PIEZO2: variants seen among roughly 807,000 people sequenced by gnomAD.
PIEZO2 encodes piezo-type mechanosensitive ion channel component 2.
In PIEZO2, 172 loss-of-function variants were observed where a neutral mutation model predicts 337.3. That is an observed-to-expected ratio of 0.51 (90% CI 0.45 to 0.58). PIEZO2 has a LOEUF of 0.58. Ranked by LOEUF, PIEZO2 falls within the 20% of genes least tolerant of loss-of-function variation. The pLI is 0.00. For synonymous variants in PIEZO2, 1,251 were observed against 1,228.5 expected (o/e 1.02, Z -0.38); for missense variants, 3,028 against 3,391.3 (o/e 0.89, Z 2.66).
In PIEZO2 at chr18:10,750,779, C is replaced by T. The variant is rs933383430; in HGVS notation, c.4168-592G>A. ...GGAAAATGTTTAAACAAGTATGAAT[C>T]ATTGCAAGCAAATACATAAATGTGA... On this transcript the variant is annotated intron_variant, in intron 28 of 55. Transcript: ENST00000674853. This position sits in a 1 kb window ranked among gnomAD's most constrained non-coding sequence, Gnocchi z 4.1. Among the ~76,000 whole-genome samples the T allele has an allele frequency of 5.3e-5, 8 of 152,194 alleles. No individual in the cohort carries two copies. The highest frequency in any genetic ancestry group is 1.7e-4 in the African/African-American group (7 of 41,458).
chr18:10,686,732 G>T lies in PIEZO2; in HGVS notation c.7497+2923C>A, dbSNP rs1179229657. Among the ~76,000 whole-genome samples the T allele has an allele frequency of 3.3e-5, 5 of 152,200 alleles. No individual in the cohort carries two copies. In the East Asian group the frequency reaches 9.6e-4, roughly 29 times the overall value. ...GTCTAGACTTGAGGGGTTAGGGCAG[G>T]TCCATGGAAACAGAGGTGTCTTCAT... On this transcript the variant is annotated intron_variant, in intron 49 of 55. Transcript: ENST00000674853.
intron 2 of PIEZO2, among the ~76,000 whole-genome samples, chr18:11,022,835 G>A (rs990623662): frequency 2.6e-5 from 4 of 152,188 alleles, no homozygotes; most frequent in Non-Finnish European, 5.9e-5. Context: ...GGACCCTCGA[G>A]GTGAGTGTTA....
intron 3 of PIEZO2, among the ~76,000 whole-genome samples, chr18:10,938,979 C>T (rs1431979817): frequency 2.6e-5 from 4 of 151,558 alleles, no homozygotes; most frequent in Non-Finnish European, 5.9e-5. Context: ...CCCAGCTACT[C>T]GGGAGGCTGA....
chr18:10,866,563 G>A (rs2042013221), intron 5 of PIEZO2, among the ~76,000 whole-genome samples: 1 of 152,162 alleles, frequency 6.6e-6, no homozygotes, highest in South Asian at 2.1e-4. Flanking sequence ...GGGATTTTAG[G>A]TGTGGGCCAC....
In PIEZO2 at chr18:10,819,722, AC is replaced by A. The variant is rs1421388647; in HGVS notation, c.918-12449del. 6.6e-6 allele frequency among the ~76,000 whole-genome samples: 1 copy of A among 152,224 alleles called. No individual in the cohort carries two copies. Among genetic ancestry groups the A allele is most frequent in the Non-Finnish European group, 1.5e-5 (1 of 68,034 alleles). ...TCTTACATGAAGACATAATATCTTC[AC>A]AAAACTTCATACAGAGATAGAAAAA... On this transcript the variant is annotated intron_variant, in intron 7 of 55. Transcript: ENST00000674853. The surrounding 1 kb of genome is among the most constrained non-coding windows in gnomAD (Gnocchi z 4.3).
In PIEZO2 at chr18:11,035,434, G is replaced by A. The variant is rs550120230; in HGVS notation, c.160+30693C>T. On this transcript the variant is annotated intron_variant, in intron 2 of 55. Transcript: ENST00000674853. The surrounding 1 kb of genome is among the most constrained non-coding windows in gnomAD (Gnocchi z 4.3). Reference sequence around the variant, plus strand: ...TTCCTGAGGTCTTGACCAGAAGAACGCCAGTGCCGTGCTTGCACAGCCTGC... The same window carrying A: ...TTCCTGAGGTCTTGACCAGAAGAACACCAGTGCCGTGCTTGCACAGCCTGC... Among the ~76,000 whole-genome samples, 9 of 152,004 alleles carry A rather than the reference G, an allele frequency of 5.9e-5. No individual in the cohort carries two copies. The highest frequency in any genetic ancestry group is 1.2e-4 in the Non-Finnish European group (8 of 67,996).
chr18:10,901,199 T>G (rs1237284707), intron 4 of PIEZO2, among the ~76,000 whole-genome samples: 1 of 152,172 alleles, frequency 6.6e-6, no homozygotes, highest in Non-Finnish European at 1.5e-5. Flanking sequence ...TTTGCCTCAT[T>G]GTATCAAAGC....
chr18:10,995,415 G>A (rs909300010), intron 2 of PIEZO2, among the ~76,000 whole-genome samples: 5 of 151,112 alleles, frequency 3.3e-5, no homozygotes, highest in Admixed American at 6.6e-5. Flanking sequence ...CTCCTACTCT[G>A]GGGGTTGTCT....
chr18:10,756,144 G>T (rs1214199931), intron 27 of PIEZO2, among the ~76,000 whole-genome samples: 3 of 150,062 alleles, frequency 2.0e-5, no homozygotes, highest in Non-Finnish European at 4.4e-5. Flanking sequence ...AGGAGGGATG[G>T]AGGATGAGAA....
intron 1 of PIEZO2, among the ~76,000 whole-genome samples, chr18:11,090,279 G>C (rs76965230): frequency 0.078 from 11,937 of 152,200 alleles, 502 homozygotes; most frequent in Middle Eastern, 0.2. Flanking sequence ...AAATAAAAGA[G>C]AGAGAGAGAA....
Position 10,791,256 on chromosome 18 carries a change from T to G in PIEZO2, c.1827A>C (p.Glu609Asp). The G allele has an allele frequency of 6.5e-7, 1 of 1,536,492 alleles. No homozygotes were observed. Among genetic ancestry groups the G allele is most frequent in the Non-Finnish European group, 8.7e-7 (1 of 1,146,468 alleles). ...TGACTTCCGATAAAAGAGCTTCCTT[T>G]TCTTGCAGAGCTTTTTGCTCTGTGA... Reference protein sequence around the residue: ...QHLTEQKALQEKEALLSEVKI... With the variant: ...QHLTEQKALQDKEALLSEVKI... The change falls in exon 14 of 56, where the codon GAA becomes GAC. Residue 609 changes from glutamate (E) to aspartate (D), a missense_variant. Physicochemically the swap from Glu to Asp is conservative, Grantham distance 45. Coordinates refer to ENST00000674853, the MANE Select transcript of PIEZO2 (RefSeq NM_001378183.1).
chr18:10,791,884 C>A (rs1404730820), intron 13 of PIEZO2, among the ~76,000 whole-genome samples: 2 of 152,084 alleles, frequency 1.3e-5, no homozygotes, highest in Non-Finnish European at 2.9e-5. Flanking sequence ...AAATCAAAAA[C>A]CTTTTGATTT....
At chr18:10,753,284 G>A (rs1482790958) in intron 27 of PIEZO2, among the ~76,000 whole-genome samples, 1 of 152,214 alleles carries the variant, frequency 6.6e-6, no homozygotes, top group African/African-American at 2.4e-5. Flanking sequence ...ACAAATTTAT[G>A]TTGAACACAA....
At position 11,112,971 on chromosome 18, in the gene PIEZO2, G is replaced by A. The variant is rs891882057; in HGVS notation, c.64+35554C>T. Reference sequence around the variant, plus strand: ...TCTAGATTCAGACCTACAGGATAAAGGTCCTGGTGTGTTTATTATTTTGGT... The same window carrying A: ...TCTAGATTCAGACCTACAGGATAAAAGTCCTGGTGTGTTTATTATTTTGGT... On this transcript the variant is annotated intron_variant, in intron 1 of 55. Coordinates refer to ENST00000674853, the MANE Select transcript of PIEZO2 (RefSeq NM_001378183.1). The surrounding 1 kb of genome is among the most constrained non-coding windows in gnomAD (Gnocchi z 4.3). Among the ~76,000 whole-genome samples, 1 of 152,162 alleles carries A rather than the reference G, an allele frequency of 6.6e-6. No homozygotes were observed. Among genetic ancestry groups the A allele is most frequent in the African/African-American group, 2.4e-5 (1 of 41,428 alleles).
intron 7 of PIEZO2, among the ~76,000 whole-genome samples, chr18:10,816,903 T>C (rs2040380981): frequency 6.6e-6 from 1 of 152,196 alleles, no homozygotes; most frequent in Non-Finnish European, 1.5e-5. Flanking sequence ...TTTATTGTAT[T>C]AATTTTTAAA....
rs2041676308 is a variant in PIEZO2, at chr18:10,855,404, T to C, written c.866A>G (p.Tyr289Cys). ...TGCCTCTTGAAAGAATTGGAACTGG[T>C]ATAAATAAAGTCCAATCAAATGTCC... The part of the protein sequence containing the change: ...TAGHLIGLYL[Y>C]QFQFFQEAVP... Residue 289 changes from tyrosine to cysteine, a missense_variant, in exon 7 of 56, where the codon TAC becomes TGC. By Grantham distance (194) the Tyr-to-Cys change is radical. This residue lies in a region of PIEZO2 where 542 missense variants were observed against 605.6 expected (regional missense o/e 0.89). Coordinates refer to ENST00000674853, the MANE Select transcript of PIEZO2 (RefSeq NM_001378183.1). This position sits in a 1 kb window ranked among gnomAD's most constrained non-coding sequence, Gnocchi z 4.9. 6.5e-7 allele frequency: 1 copy of C among 1,537,008 alleles called. No homozygotes were observed. The highest frequency in any genetic ancestry group is 8.7e-7 in the Non-Finnish European group (1 of 1,146,854).
At position 10,699,114 on chromosome 18, in the gene PIEZO2, C is replaced by A; in HGVS notation, c.6505G>T (p.Asp2169Tyr). 6.5e-7 allele frequency: 1 copy of A among 1,537,222 alleles called. No individual in the cohort carries two copies. Among genetic ancestry groups the A allele is most frequent in the Non-Finnish European group, 8.7e-7 (1 of 1,146,910 alleles). ...CTGCCATGACCGAGGGAGAGCTCAT[C>A]ATCTGATTCCTCCCTGGCCATGCCA... Reference protein sequence around the residue: ...ESGMAREESDDELSLGHGRRD... With the variant: ...ESGMAREESDYELSLGHGRRD... The change falls in exon 44 of 56, where the codon GAT becomes TAT. Residue 2169 changes from aspartate (D) to tyrosine (Y), a missense_variant. Asp to Tyr is a radical substitution (Grantham distance 160). Coordinates refer to ENST00000674853, the MANE Select transcript of PIEZO2 (RefSeq NM_001378183.1).
intron 39 of PIEZO2, among the ~76,000 whole-genome samples, chr18:10,714,104 T>C (rs898979687): frequency 5.9e-5 from 9 of 152,138 alleles, no homozygotes; most frequent in African/African-American, 1.7e-4. Context: ...TTTGGGTATG[T>C]TTCTTAATCT....
intron 1 of PIEZO2, among the ~76,000 whole-genome samples, chr18:11,107,453 A>G (rs1224041320): frequency 6.6e-6 from 1 of 152,178 alleles, no homozygotes; most frequent in Non-Finnish European, 1.5e-5. Context: ...TCATGTACAG[A>G]GTTTTTTTCT....
Sources: allele counts gnomAD v4.1 joint callset (sites outside exome capture counted in the v4.1 genomes callset), GRCh38; gene constraint gnomAD v4.1.1; regional missense constraint gnomAD v4.1.1; non-coding constraint Gnocchi (gnomAD v3.1); transcripts MANE v1.5; gene names NCBI Gene and HGNC (gene_info 2026-07-23, HGNC 2026-07-21).